EBF1: variants seen among roughly 807,000 people sequenced by gnomAD.
EBF1 encodes EBF transcription factor 1.
In EBF1, 10 loss-of-function variants were observed where a neutral mutation model predicts 68.4. That is an observed-to-expected ratio of 0.15 (90% CI 0.09 to 0.25). The LOEUF (loss-of-function observed/expected upper bound fraction) is 0.25, where lower values mean the gene tolerates loss of function less well. EBF1 is among the 10% of genes least tolerant of loss of function. The pLI, the probability that EBF1 is intolerant of heterozygous loss-of-function variation, is 1.00. For synonymous variants in EBF1, 298 were observed against 299.8 expected (o/e 0.99, Z 0.06); for missense variants, 509 against 794.4 (o/e 0.64, Z 4.32).
chr5:158,779,209 C>T (rs1472522755), intron 9 of EBF1, among the ~76,000 whole-genome samples: 1 of 151,902 alleles, frequency 6.6e-6, no homozygotes, highest in East Asian at 1.9e-4. Flanking sequence ...CTAATTTGGT[C>T]AGAACAATGA....
intron 6 of EBF1, among the ~76,000 whole-genome samples, chr5:158,885,479 GTGGTACTAT>G (rs1799866907): frequency 6.6e-6 from 1 of 152,196 alleles, no homozygotes; most frequent in East Asian, 1.9e-4. Flanking sequence ...TGCCTGGGTG[GTGGTACTAT>G]TGGTTCAGTG....
At chr5:158,844,257 T>C (rs2127979405) in intron 6 of EBF1, among the ~76,000 whole-genome samples, 1 of 150,756 alleles carries the variant, frequency 6.6e-6, no homozygotes, top group East Asian at 1.9e-4. Flanking sequence ...CTGTTAACTT[T>C]CAGTACAAAT....
intron 6 of EBF1, among the ~76,000 whole-genome samples, chr5:158,954,276 G>A (rs1322748277): frequency 6.6e-6 from 1 of 152,114 alleles, no homozygotes; most frequent in Non-Finnish European, 1.5e-5. Flanking sequence ...CTAGTTAAAT[G>A]ACAGTATGGC....
chr5:158,823,104 G>T, intron 8 of EBF1, 72 bp downstream of exon 8: 1 of 1,588,382 alleles, frequency 6.3e-7, no homozygotes, highest in South Asian at 1.1e-5. Context: ...ACATGTGGTG[G>T]AGTGGAAGAA....
intron 6 of EBF1, among the ~76,000 whole-genome samples, chr5:158,902,934 T>C (rs1180393388): frequency 1.3e-5 from 2 of 152,150 alleles, no homozygotes; most frequent in Non-Finnish European, 2.9e-5. Context: ...AAAGGACGGC[T>C]CTGGGGAAAG....
chr5:158,777,334 C>T lies in EBF1; in HGVS notation c.1036+79G>A, dbSNP rs963498592. Reference sequence around the variant, plus strand: ...ACTAGATTTTAAAATAAAATACATGCTTTTATACAGACAAGATAAGGGGAA... The same window carrying T: ...ACTAGATTTTAAAATAAAATACATGTTTTTATACAGACAAGATAAGGGGAA... On this transcript the variant is annotated intron_variant, in intron 10 of 15. Coordinates refer to ENST00000313708, the MANE Select transcript of EBF1 (RefSeq NM_024007.5). 3 of 1,392,580 alleles carry T rather than the reference C, an allele frequency of 2.2e-6. No individual in the cohort carries two copies. In the South Asian group the frequency reaches 5.7e-5, roughly 27 times the overall value. 86.3% of individuals were successfully genotyped at this position (1,392,580 alleles called of 1,614,324 possible).
intron 6 of EBF1, among the ~76,000 whole-genome samples, chr5:159,023,001 C>A (rs1767014633): frequency 6.6e-6 from 1 of 152,098 alleles, no homozygotes; most frequent in East Asian, 1.9e-4. Flanking sequence ...CCAAATGGCC[C>A]TGAATTGAGA....
In EBF1 at chr5:158,702,743, CAAAAAAAAAAAAAA is replaced by C. The variant is rs58496050; in HGVS notation, c.1745-3615_1745-3602del. 9.4e-4 allele frequency among the ~76,000 whole-genome samples: 39 copies of C among 41,622 alleles called. No individual in the cohort carries two copies. In the East Asian group the frequency reaches 0.016, roughly 17 times the overall value. 27.3% of individuals were successfully genotyped at this position (41,622 alleles called of 152,430 possible). On this transcript the variant is annotated intron_variant, in intron 15 of 15. Coordinates refer to ENST00000313708, the MANE Select transcript of EBF1 (RefSeq NM_024007.5). The stretch of plus-strand genomic sequence containing the variant: ...TGGGCTACAGAGGGAGACTCCTTCT[CAAAAAAAAAAAAAA>C]AAAAAAAAAAAAAAAAAAGAATTAT...
At chr5:158,723,698 G>C (rs1276725323) in intron 11 of EBF1, among the ~76,000 whole-genome samples, 2 of 152,094 alleles carry the variant, frequency 1.3e-5, no homozygotes, top group Non-Finnish European at 2.9e-5. Flanking sequence ...ATAAGCTTGA[G>C]AAGGTTACTT....
chr5:158,884,618 G>A (rs1230312991), intron 6 of EBF1, among the ~76,000 whole-genome samples: 1 of 152,080 alleles, frequency 6.6e-6, no homozygotes, highest in Non-Finnish European at 1.5e-5. Context: ...CAACAGGAAG[G>A]TGCAAGAGAC....
chr5:158,844,188 C>CTTTTTTTTTTTTT (rs10640628), intron 6 of EBF1, among the ~76,000 whole-genome samples: 1 of 126,348 alleles, frequency 7.9e-6, no homozygotes, highest in Non-Finnish European at 1.6e-5. Context: ...TAACTCAAGC[C>CTTTTTTTTTTTTT]TTTTTTTTTT....
chr5:158,781,373 T>C (rs1043136467), intron 9 of EBF1, among the ~76,000 whole-genome samples: 1 of 152,182 alleles, frequency 6.6e-6, no homozygotes, highest in Non-Finnish European at 1.5e-5. Flanking sequence ...TCTTTTTTTT[T>C]CTCTATTTGC....
chr5:158,818,812 TAGGACCCC>T (rs1189430967), intron 8 of EBF1, among the ~76,000 whole-genome samples: 2 of 152,056 alleles, frequency 1.3e-5, no homozygotes, highest in East Asian at 3.8e-4. Flanking sequence ...AAAAAATAAG[TAGGACCCC>T]AGGTCAGAGC....
intron 11 of EBF1, among the ~76,000 whole-genome samples, chr5:158,719,095 T>C (rs1379210589): frequency 6.6e-6 from 1 of 152,242 alleles, no homozygotes; most frequent in East Asian, 1.9e-4. Context: ...GCATGGTTTA[T>C]AAAAGTAGAA....
chr5:158,748,784 T>C (rs1768143926), intron 10 of EBF1, among the ~76,000 whole-genome samples: 1 of 152,150 alleles, frequency 6.6e-6, no homozygotes, highest in African/African-American at 2.4e-5. Flanking sequence ...GAATCACAAA[T>C]AATGCCATTC....
intron 11 of EBF1, among the ~76,000 whole-genome samples, chr5:158,715,315 C>T (rs762918810): frequency 1.6e-4 from 24 of 152,160 alleles, no homozygotes; most frequent in Non-Finnish European, 2.9e-4. Flanking sequence ...AGACTGCAGT[C>T]GCTGATCAGA....
chr5:158,901,575 ATAAGT>A (rs1443576968), intron 6 of EBF1, among the ~76,000 whole-genome samples: 1 of 152,244 alleles, frequency 6.6e-6, no homozygotes, highest in Non-Finnish European at 1.5e-5. Context: ...GTATTTGGCG[ATAAGT>A]TCAGTTAGTC....
At chr5:159,052,301 A>G (rs1291954095) in intron 6 of EBF1, among the ~76,000 whole-genome samples, 3 of 149,168 alleles carry the variant, frequency 2.0e-5, no homozygotes, top group Admixed American at 6.7e-5. Context: ...GAAAAACACT[A>G]CACGTGAAAA....
At chr5:159,020,881 T>C (rs528226397) in intron 6 of EBF1, among the ~76,000 whole-genome samples, 2 of 152,352 alleles carry the variant, frequency 1.3e-5, no homozygotes, top group Admixed American at 6.5e-5. Flanking sequence ...ATTTAATTTA[T>C]ACAATGAAGA....
Sources: allele counts gnomAD v4.1 joint callset (sites outside exome capture counted in the v4.1 genomes callset), GRCh38; gene constraint gnomAD v4.1.1; transcripts MANE v1.5; gene names NCBI Gene and HGNC (gene_info 2026-07-23, HGNC 2026-07-21).